Variants in RNF38 observed in about 807,000 individuals in gnomAD.
RNF38 encodes the protein ring finger protein 38.
A neutral mutation model predicts 67.2 loss-of-function variants in RNF38; 15 were observed. The ratio of observed to expected loss-of-function variants is 0.22; its 90% confidence interval spans 0.15 to 0.34. The LOEUF (loss-of-function observed/expected upper bound fraction) is 0.34, where lower values mean the gene tolerates loss of function less well. Ranked by LOEUF, RNF38 falls within the 10% of genes least tolerant of loss-of-function variation. The probability of loss-of-function intolerance (pLI) is 1.00; values close to 1 mark genes in which losing one functional copy is unlikely to be tolerated. For synonymous variants in RNF38, 220 were observed against 218.8 expected, an observed-to-expected ratio of 1.01 and a Z score of -0.05; for missense variants, 524 against 639.9, an observed-to-expected ratio of 0.82 and a Z score of 1.95.
rs1399541861 is a variant in RNF38, at chr9:36,476,461, G to GTA, written n.241+10845_241+10846dup. 2.0e-5 allele frequency among the ~76,000 whole-genome samples: 3 copies of GTA among 150,936 alleles called. No individual in the cohort carries two copies. In the East Asian group the frequency reaches 5.8e-4, roughly 29 times the overall value. On this transcript the variant is annotated intron_variant and non_coding_transcript_variant, in intron 1 of 3. Coordinates refer to the RNF38 transcript ENST00000488058. ...CTCATAAAATGTAGCTGTCAAATTG[G>GTA]TACAGCCTTTTCAAAGGATTATTTG...
chr9:36,453,726 C>G (rs1314424275), intron 1 of RNF38, among the ~76,000 whole-genome samples: 1 of 152,050 alleles, frequency 6.6e-6, no homozygotes, highest in African/African-American at 2.4e-5. Flanking sequence ...TGAGGTCTTG[C>G]CATGTTGCAC....
At position 36,462,705 on chromosome 9, in the gene RNF38, T is replaced by C. The variant is rs546837994; in HGVS notation, n.241+24603A>G. On this transcript the variant is annotated intron_variant and non_coding_transcript_variant, in intron 1 of 3. Transcript: ENST00000488058. ...TTTTTTTTTTTTTGAGACAGAGTCCTGCTCTGTCGCCCAGGCTGGAGATCA... is the reference window on the plus strand; with the variant it reads ...TTTTTTTTTTTTTGAGACAGAGTCCCGCTCTGTCGCCCAGGCTGGAGATCA... Among the ~76,000 whole-genome samples the C allele has an allele frequency of 7.4e-4, 112 of 151,616 alleles. 2 individuals are homozygous for C. The South Asian group carries it at 0.022, about 30-fold the overall frequency.
chr9:36,471,273 C>A (rs1839992186), intron 1 of RNF38, among the ~76,000 whole-genome samples: 1 of 152,118 alleles, frequency 6.6e-6, no homozygotes, highest in South Asian at 2.1e-4. Flanking sequence ...TTCTAAAGCC[C>A]CCTTTCAATT....
chr9:36,421,013 A>G lies in RNF38; in HGVS notation n.312+3600T>C, dbSNP rs146350406. Among the ~76,000 whole-genome samples the G allele has an allele frequency of 4.0e-4, 61 of 152,342 alleles. 1 individual carries two copies. Among genetic ancestry groups the G allele is most frequent in the African/African-American group, 1.5e-3 (61 of 41,578 alleles). On this transcript the variant is annotated intron_variant and non_coding_transcript_variant, in intron 2 of 3. Coordinates refer to the RNF38 transcript ENST00000488058. Reference sequence around the variant, plus strand: ...AAATTGGGGATTGGACACCACCTCCAAGGCTGTAGAGAGGATGTCCAACAA... The same window carrying G: ...AAATTGGGGATTGGACACCACCTCCGAGGCTGTAGAGAGGATGTCCAACAA...
intron 1 of RNF38, among the ~76,000 whole-genome samples, chr9:36,451,971 C>T (rs1301451837): frequency 6.6e-6 from 1 of 152,082 alleles, no homozygotes; most frequent in Non-Finnish European, 1.5e-5. Flanking sequence ...AATCCCAATA[C>T]TTTGGGAGGC....
intron 1 of RNF38, among the ~76,000 whole-genome samples, chr9:36,440,436 C>T (rs1839167564): frequency 6.6e-6 from 1 of 151,452 alleles, no homozygotes; most frequent in Admixed American, 6.6e-5. Context: ...GAGGCTGAGG[C>T]AGGATAATCA....
At chr9:36,366,083 C>G (rs996018987) in intron 4 of RNF38, among the ~76,000 whole-genome samples, 4 of 152,004 alleles carry the variant, frequency 2.6e-5, no homozygotes, top group Non-Finnish European at 5.9e-5. Context: ...ACCCCCATAT[C>G]CACCGCCCAG....
At chr9:36,364,428 G>A (rs539595467) in intron 4 of RNF38, among the ~76,000 whole-genome samples, 1 of 152,030 alleles carries the variant, frequency 6.6e-6, no homozygotes, top group South Asian at 2.1e-4. Context: ...TAGAGGGTTG[G>A]TACCTCTAAC....
At chr9:36,426,641 C>T (rs1221628856) in intron 1 of RNF38, among the ~76,000 whole-genome samples, 1 of 152,170 alleles carries the variant, frequency 6.6e-6, no homozygotes, top group Non-Finnish European at 1.5e-5. Flanking sequence ...CTTGTTGGGT[C>T]ACTTGATCTC....
At chr9:36,374,342 T>TAA (rs1464971963) in intron 3 of RNF38, among the ~76,000 whole-genome samples, 2 of 152,206 alleles carry the variant, frequency 1.3e-5, no homozygotes, top group Non-Finnish European at 2.9e-5. Context: ...AACAGATACT[T>TAA]AATTTCTCAA....
intron 2 of RNF38, among the ~76,000 whole-genome samples, chr9:36,410,442 T>C (rs1199278986): frequency 6.6e-6 from 1 of 152,158 alleles, no homozygotes; most frequent in African/African-American, 2.4e-5. Flanking sequence ...TTCTCCTGCC[T>C]CAGCCTCCCG....
In RNF38 at chr9:36,342,358, C is replaced by T; in HGVS notation, c.1452G>A (p.Glu484=). 6.2e-7 allele frequency: 1 copy of T among 1,613,564 alleles called. No individual in the cohort carries two copies. The highest frequency in any genetic ancestry group is 8.5e-7 in the Non-Finnish European group (1 of 1,179,556). ...ATTTGTCAACACACTTGGCATGGAA[C>T]TCGTGGTTACAGGGTAAGACTCTAA... ...QLLRVLPCNH[E]FHAKCVDKWL... is the part of the protein sequence containing the mutation. The change falls in exon 11 of 12, where the codon GAG becomes GAA. Residue 484 remains glutamate (E), a synonymous_variant. Coordinates refer to ENST00000259605, the MANE Select transcript of RNF38 (RefSeq NM_022781.5).
intron 1 of RNF38, among the ~76,000 whole-genome samples, chr9:36,392,239 A>G (rs1303531524): frequency 2.0e-5 from 3 of 152,214 alleles, no homozygotes; most frequent in Non-Finnish European, 4.4e-5. Context: ...TAAGAGTAAA[A>G]ATACTTCCAA....
intron 2 of RNF38, among the ~76,000 whole-genome samples, chr9:36,418,402 C>T (rs777049842): frequency 2.0e-5 from 3 of 151,858 alleles, no homozygotes; most frequent in Admixed American, 6.6e-5. Flanking sequence ...CCTGTAATCC[C>T]GGCACTTTGG....
At chr9:36,410,305 A>G (rs1838291634) in intron 2 of RNF38, among the ~76,000 whole-genome samples, 1 of 152,200 alleles carries the variant, frequency 6.6e-6, no homozygotes, top group Non-Finnish European at 1.5e-5. Context: ...ACATATCACA[A>G]TAGATTTGTT....
chr9:36,457,381 T>C (rs538582802), intron 1 of RNF38, among the ~76,000 whole-genome samples: 1 of 152,228 alleles, frequency 6.6e-6, no homozygotes, highest in Non-Finnish European at 1.5e-5. Flanking sequence ...ATTAATCTAT[T>C]AATTGTAACT....
chr9:36,400,588 C>T, upstream of RNF38: 47 of 986,814 alleles, frequency 4.8e-5, no homozygotes, highest in Non-Finnish European at 5.5e-5. Context: ...CGGGCAGCTC[C>T]CGCGGATCCT....
chr9:36,400,152 CCTGAAACA>C lies in RNF38; in HGVS notation c.-52_-45del, dbSNP rs1287609961. ...TTTATTTCTTTTTGGACCTCAATAACCTGAAACACTCCCGTTTCAAAAACCAACCTCTC... is the reference window on the plus strand; with the variant it reads ...TTTATTTCTTTTTGGACCTCAATAACCTCCCGTTTCAAAAACCAACCTCTC... On this transcript the variant is annotated 5_prime_UTR_variant, in exon 1 of 12. Transcript: ENST00000259605. The C allele has an allele frequency of 6.2e-7, 1 of 1,608,446 alleles. No homozygotes were observed. The highest frequency in any genetic ancestry group is 1.3e-5 in the African/African-American group (1 of 74,744).
In RNF38 at chr9:36,354,712, T is replaced by C. The variant is rs532099716; in HGVS notation, c.910-1381A>G. Among the ~76,000 whole-genome samples, 5 of 152,368 alleles carry C rather than the reference T, an allele frequency of 3.3e-5. No individual in the cohort carries two copies. In the South Asian group the frequency reaches 1.0e-3, roughly 32 times the overall value. On this transcript the variant is annotated intron_variant, in intron 6 of 11. Coordinates refer to ENST00000259605, the MANE Select transcript of RNF38 (RefSeq NM_022781.5). ...TTGTCCACTCTTTGACTATTAGGAATAGTGCTATTACTACATTTGTGTACA... is the reference window on the plus strand; with the variant it reads ...TTGTCCACTCTTTGACTATTAGGAACAGTGCTATTACTACATTTGTGTACA...
Sources: gnomAD v4.1 joint callset for allele counts (sites outside exome capture counted in the v4.1 genomes callset) on GRCh38, gnomAD v4.1.1 for gene constraint, MANE v1.5 for transcripts, NCBI Gene and HGNC (gene_info 2026-07-23, HGNC 2026-07-21) for gene names.